ASAP1: variants seen among roughly 807,000 people sequenced by gnomAD.
ASAP1 encodes the protein arf-GAP with SH3 domain, ANK repeat and PH domain-containing protein 1.
A neutral mutation model predicts 145.2 loss-of-function variants in ASAP1; 43 were observed. The observed-to-expected ratio is 0.30, with a 90% CI of 0.23 to 0.38. The LOEUF (loss-of-function observed/expected upper bound fraction) is 0.38. ASAP1 is among the 10% of genes least tolerant of loss of function. The pLI, the probability that ASAP1 is intolerant of heterozygous loss-of-function variation, is 1.00. For synonymous variants in ASAP1, 546 were observed against 515.5 expected (o/e 1.06, Z -0.80); for missense variants, 1,018 against 1,355.3 (o/e 0.75, Z 3.91).
chr8:130,316,474 A>G (rs1823669619), intron 3 of ASAP1, among the ~76,000 whole-genome samples: 1 of 152,242 alleles, frequency 6.6e-6, no homozygotes, highest in Non-Finnish European at 1.5e-5. Flanking sequence ...TTTTACCAGA[A>G]TATTTTGAAA....
chr8:130,426,559 T>C (rs1265558317), intron 1 of ASAP1, among the ~76,000 whole-genome samples: 3 of 152,216 alleles, frequency 2.0e-5, no homozygotes, highest in Admixed American at 6.5e-5. Context: ...AACCTTTTCC[T>C]GCACCAACTT....
chr8:130,422,747 T>TGGTCCTGGGTTCATAGCA (rs1251030737), intron 1 of ASAP1, among the ~76,000 whole-genome samples: 65 of 152,220 alleles, frequency 4.3e-4, no homozygotes, highest in African/African-American at 1.5e-3. Flanking sequence ...GCAAGAGGCT[T>TGGTCCTGGGTTCATAGCA]GGTCCTGGGT....
chr8:130,292,823 C>A (rs548386591), intron 3 of ASAP1, among the ~76,000 whole-genome samples: 1 of 152,320 alleles, frequency 6.6e-6, no homozygotes, highest in East Asian at 1.9e-4. Context: ...TGTCACATAA[C>A]CTCTCTGTGC....
intron 13 of ASAP1, among the ~76,000 whole-genome samples, chr8:130,151,697 G>A (rs1402787524): frequency 6.6e-6 from 1 of 152,254 alleles, no homozygotes; most frequent in Non-Finnish European, 1.5e-5. Flanking sequence ...TTACCACAAA[G>A]GACTGGGCCA....
At chr8:130,261,161 T>C (rs1293547534) in intron 3 of ASAP1, among the ~76,000 whole-genome samples, 4 of 152,190 alleles carry the variant, frequency 2.6e-5, no homozygotes, top group Admixed American at 2.6e-4. Flanking sequence ...TGCTCTCTCA[T>C]ATTCCAAGGA....
At chr8:130,266,579 GC>G (rs1284056887) in intron 3 of ASAP1, among the ~76,000 whole-genome samples, 3 of 151,996 alleles carry the variant, frequency 2.0e-5, no homozygotes, top group Non-Finnish European at 2.9e-5. Flanking sequence ...CACAGAGAAA[GC>G]CCTCCTGATA....
intron 3 of ASAP1, among the ~76,000 whole-genome samples, chr8:130,315,178 G>T (rs974732251): frequency 2.6e-5 from 4 of 152,126 alleles, no homozygotes; most frequent in Non-Finnish European, 5.9e-5. Context: ...AGTTCACAAG[G>T]AAAATAGTAG....
At chr8:130,175,354 G>A (rs1813880407) in intron 9 of ASAP1, among the ~76,000 whole-genome samples, 1 of 152,052 alleles carries the variant, frequency 6.6e-6, no homozygotes, top group Non-Finnish European at 1.5e-5. Flanking sequence ...CCAAGTAGCT[G>A]GGAAAATAGG....
chr8:130,296,567 T>C (rs1338193676), intron 3 of ASAP1, among the ~76,000 whole-genome samples: 1 of 151,222 alleles, frequency 6.6e-6, no homozygotes, highest in Non-Finnish European at 1.5e-5. Flanking sequence ...GAGGAGCAGC[T>C]AGAGATTTAT....
intron 2 of ASAP1, among the ~76,000 whole-genome samples, chr8:130,381,997 C>A (rs1029859691): frequency 6.6e-6 from 1 of 152,050 alleles, no homozygotes; most frequent in Non-Finnish European, 1.5e-5. Flanking sequence ...CAGAAATTAC[C>A]TTGTTCAGGC....
At chr8:130,218,696 C>G (rs1817087184) in intron 4 of ASAP1, among the ~76,000 whole-genome samples, 1 of 152,104 alleles carries the variant, frequency 6.6e-6, no homozygotes, top group Non-Finnish European at 1.5e-5. Context: ...ATTTCACCCC[C>G]ACTAGTTCTG....
rs1252213450 is a variant in ASAP1 at position 130,116,998 on chromosome 8, GA to G, written c.1881-4del. On this transcript the variant is annotated splice_polypyrimidine_tract_variant and splice_region_variant and intron_variant, in intron 20 of 29. Transcript: ENST00000518721. ...CCGTCTGCTTATCCAGGTTCCCACT[GA>G]AAAATTAGATGATGATTAGAAAAAA... 1 of 1,587,882 alleles carries G rather than the reference GA, an allele frequency of 6.3e-7. No homozygotes were observed. Among genetic ancestry groups the G allele is most frequent in the Non-Finnish European group, 8.6e-7 (1 of 1,165,962 alleles).
At chr8:130,329,700 C>G (rs1287295474) in intron 3 of ASAP1, among the ~76,000 whole-genome samples, 1 of 152,194 alleles carries the variant, frequency 6.6e-6, no homozygotes, top group African/African-American at 2.4e-5. Context: ...AAACAAAGAG[C>G]TCTGAAATAG....
At chr8:130,186,647 G>A (rs920939504) in intron 7 of ASAP1, among the ~76,000 whole-genome samples, 4 of 152,114 alleles carry the variant, frequency 2.6e-5, no homozygotes, top group Admixed American at 1.3e-4. Flanking sequence ...ATGCTATGCT[G>A]AGGCTCTGTG....
In ASAP1 at chr8:130,358,192, G is replaced by A. The variant is rs781555519; in HGVS notation, c.60-49C>T. On this transcript the variant is annotated intron_variant, in intron 2 of 29. Transcript: ENST00000518721. The surrounding 1 kb of genome is among the most constrained non-coding windows in gnomAD (Gnocchi z 4.1). ...GCGGGGGCGGGGGGTGAGTCACGGC[G>A]CAGGCTCCCGGGGCCGCGGGCCGCC... The A allele has an allele frequency of 5.2e-6, 8 of 1,535,902 alleles. No homozygotes were observed. The highest frequency in any genetic ancestry group is 2.3e-5 in the South Asian group (2 of 86,892).
At chr8:130,383,555 A>T (rs1169511842) in intron 2 of ASAP1, among the ~76,000 whole-genome samples, 1 of 152,174 alleles carries the variant, frequency 6.6e-6, no homozygotes, top group Non-Finnish European at 1.5e-5. Flanking sequence ...GCCTTGTTTA[A>T]TCTTCACTGC....
At chr8:130,154,259 C>A (rs544785216) in intron 12 of ASAP1, among the ~76,000 whole-genome samples, 1 of 151,914 alleles carries the variant, frequency 6.6e-6, no homozygotes, top group African/African-American at 2.4e-5. Flanking sequence ...TAAATGGTGA[C>A]CAAATCATTC....
chr8:130,061,099 A>C, intron 27 of ASAP1, 30 bp from the exon 28 acceptor site: 1 of 1,518,898 alleles, frequency 6.6e-7, no homozygotes, highest in Non-Finnish European at 8.8e-7. Context: ...CAAGGAGGTC[A>C]TTGGTGGGAA....
chr8:130,344,822 G>C (rs1234431691), intron 3 of ASAP1, among the ~76,000 whole-genome samples: 1 of 152,134 alleles, frequency 6.6e-6, no homozygotes, highest in Non-Finnish European at 1.5e-5. Context: ...TGAGCTACTA[G>C]CGCAAAACAG....
Sources: gnomAD v4.1 joint callset for allele counts (sites outside exome capture counted in the v4.1 genomes callset) on GRCh38, gnomAD v4.1.1 for gene constraint, Gnocchi (gnomAD v3.1) non-coding constraint, MANE v1.5 for transcripts, NCBI Gene and HGNC (gene_info 2026-07-23, HGNC 2026-07-21) for gene names.